Variants in SAMD8 observed in about 807,000 individuals in gnomAD.
SAMD8 encodes the protein sterile alpha motif domain containing 8, also known as sphingomyelin synthase-related protein 1.
SAMD8 carries 20 observed loss-of-function variants against 42.0 expected under a neutral mutation model. The observed-to-expected ratio is 0.48, with a 90% CI of 0.34 to 0.69. The LOEUF is 0.69. Among genes scored for constraint, SAMD8 ranks in the 30% least tolerant of loss-of-function variants. The pLI, the probability that SAMD8 is intolerant of heterozygous loss-of-function variation, is 0.01. For synonymous variants in SAMD8, 162 were observed against 173.0 expected (o/e 0.94, Z 0.50); for missense variants, 328 against 511.6 (o/e 0.64, Z 3.46).
At chr10:75,161,933 A>G (rs1840566974) in intron 2 of SAMD8, among the ~76,000 whole-genome samples, 1 of 152,152 alleles carries the variant, frequency 6.6e-6, no homozygotes, top group Non-Finnish European at 1.5e-5. Context: ...GCTACTCGGG[A>G]GGCTGAGACA....
At position 75,104,717 on chromosome 10, in the gene SAMD8, G is replaced by A. The variant is rs1230244612; in HGVS notation, c.-16+4989G>A. 3.3e-5 allele frequency among the ~76,000 whole-genome samples: 5 copies of A among 152,110 alleles called. No homozygotes were observed. In the East Asian group the frequency reaches 7.7e-4, roughly 24 times the overall value. On this transcript the variant is annotated intron_variant, in intron 1 of 3. Transcript: ENST00000447533. ...ATCTCAAGCCCAGCTATAACCCAAA[G>A]TTTCTTATCACAGTCACCCCCAAAC...
chr10:75,109,025 G>A, upstream of SAMD8: 1 of 1,609,276 alleles, frequency 6.2e-7, no homozygotes, highest in Non-Finnish European at 8.5e-7. Context: ...CCTATGAAAA[G>A]GTTGGGCCAA....
At chr10:75,114,410 T>A (rs1309498234) in intron 1 of SAMD8, among the ~76,000 whole-genome samples, 1 of 152,184 alleles carries the variant, frequency 6.6e-6, no homozygotes, top group Non-Finnish European at 1.5e-5. Flanking sequence ...CAGACATATT[T>A]AGGTAAATCA....
chr10:75,124,299 A>C (rs1849075695), intron 1 of SAMD8, among the ~76,000 whole-genome samples: 1 of 152,032 alleles, frequency 6.6e-6, no homozygotes, highest in South Asian at 2.1e-4. Context: ...GCAAGCAGAA[A>C]TCCATTTATT....
At chr10:75,122,359 C>G (rs1849024197) in intron 1 of SAMD8, among the ~76,000 whole-genome samples, 1 of 152,126 alleles carries the variant, frequency 6.6e-6, no homozygotes, top group South Asian at 2.1e-4. Flanking sequence ...CGCCTGTAAT[C>G]TCAGCACTTT....
At chr10:75,131,630 G>T (rs1009156953) in intron 1 of SAMD8, among the ~76,000 whole-genome samples, 1 of 151,982 alleles carries the variant, frequency 6.6e-6, no homozygotes, top group Admixed American at 6.6e-5. Flanking sequence ...GATAATTAAA[G>T]AAATAAGTGA....
At chr10:75,155,006 C>T (rs1840378404) in intron 2 of SAMD8, among the ~76,000 whole-genome samples, 1 of 152,070 alleles carries the variant, frequency 6.6e-6, no homozygotes, top group South Asian at 2.1e-4. Flanking sequence ...GATCTCCTTC[C>T]TTAGCCTCCC....
At chr10:75,100,414 C>T (rs1382972595) in intron 1 of SAMD8, among the ~76,000 whole-genome samples, 2 of 152,156 alleles carry the variant, frequency 1.3e-5, no homozygotes, top group Non-Finnish European at 2.9e-5. Context: ...GAGTCAGGCC[C>T]GGCCACCCCC....
In SAMD8 at chr10:75,141,807, C is replaced by T. The variant is rs543613539; in HGVS notation, c.-15-8707C>T. 1.5e-3 allele frequency among the ~76,000 whole-genome samples: 227 copies of T among 152,016 alleles called. 1 individual carries two copies. Among genetic ancestry groups the T allele is most frequent in the African/African-American group, 5.4e-3 (223 of 41,494 alleles). On this transcript the variant is annotated intron_variant, in intron 1 of 5. Coordinates refer to ENST00000542569, the MANE Select transcript of SAMD8 (RefSeq NM_001174156.2). Reference sequence around the variant, plus strand: ...CCACCTGCCTCAGCCTCCCAAAGTGCTGGGATTACAGGCGTGAGCCACCAC... The same window carrying T: ...CCACCTGCCTCAGCCTCCCAAAGTGTTGGGATTACAGGCGTGAGCCACCAC...
At chr10:75,111,826 A>T in intron 1 of SAMD8, 104 bp downstream of exon 1, 1 of 1,213,250 alleles carries the variant, frequency 8.2e-7, no homozygotes, top group Non-Finnish European at 1.0e-6. Flanking sequence ...AGGGACCGCG[A>T]CCTGGAGGGG....
At chr10:75,102,076 G>T in intron 1 of SAMD8, 1 of 685,486 alleles carries the variant, frequency 1.5e-6, no homozygotes, top group Non-Finnish European at 2.2e-6. Context: ...GCCAAGCACA[G>T]TCAGGCACCT....
intron 1 of SAMD8, among the ~76,000 whole-genome samples, chr10:75,149,063 C>G (rs1359185533): frequency 1.3e-5 from 2 of 151,562 alleles, no homozygotes; most frequent in Non-Finnish European, 2.9e-5. Flanking sequence ...TTCTTTTATG[C>G]TTTGAAGTTT....
rs552535924 is a variant in SAMD8, at chr10:75,157,756, A to C, written c.578+6650A>C. On this transcript the variant is annotated intron_variant, in intron 2 of 5. Coordinates refer to ENST00000542569, the MANE Select transcript of SAMD8 (RefSeq NM_001174156.2). The stretch of plus-strand genomic sequence containing the variant: ...ATTCAACAGCAGATACAGGTATGGA[A>C]TAGGTGGAGAACTGGATTTAAGCAG... 1.6e-4 allele frequency among the ~76,000 whole-genome samples: 24 copies of C among 152,308 alleles called. 1 individual carries two copies. In the South Asian group the frequency reaches 4.8e-3, roughly 30 times the overall value.
chr10:75,130,235 C>T (rs933373567), intron 1 of SAMD8, among the ~76,000 whole-genome samples: 3 of 152,208 alleles, frequency 2.0e-5, no homozygotes, highest in African/African-American at 7.2e-5. Context: ...GGCACGGTGA[C>T]TCACGCCTGT....
rs748531097 is a variant in SAMD8, at chr10:75,176,384, C to G, written c.944-4C>G. ...TTAAAATGATCTTTCTGTCCTTTTC[C>G]TAGATACACCAAGAAGCTGGAATTT... On this transcript the variant is annotated splice_region_variant and splice_polypyrimidine_tract_variant and intron_variant, in intron 5 of 5. Coordinates refer to ENST00000542569, the MANE Select transcript of SAMD8 (RefSeq NM_001174156.2). The surrounding 1 kb of genome is among the most constrained non-coding windows in gnomAD (Gnocchi z 4.3). The G allele has an allele frequency of 6.4e-7, 1 of 1,555,090 alleles. No individual in the cohort carries two copies. Among genetic ancestry groups the G allele is most frequent in the Non-Finnish European group, 8.7e-7 (1 of 1,150,976 alleles).
intron 1 of SAMD8, among the ~76,000 whole-genome samples, chr10:75,113,436 G>C (rs544769870): frequency 6.6e-6 from 1 of 150,642 alleles, no homozygotes. Flanking sequence ...CCAGGCTTAA[G>C]TGATCCTCCC....
intron 2 of SAMD8, among the ~76,000 whole-genome samples, chr10:75,152,905 A>G (rs1840324602): frequency 6.6e-6 from 1 of 152,042 alleles, no homozygotes; most frequent in African/African-American, 2.4e-5. Context: ...GTAAACAAGT[A>G]CTCAGAACTG....
intron 1 of SAMD8, among the ~76,000 whole-genome samples, chr10:75,135,378 G>A (rs1343021079): frequency 2.0e-5 from 3 of 151,406 alleles, no homozygotes; most frequent in African/African-American, 4.9e-5. Flanking sequence ...GCTTGAACCC[G>A]GGAGGCAGAG....
chr10:75,181,843 G>A lies in SAMD8; in HGVS notation c.*5151G>A, dbSNP rs181832493. The A allele has an allele frequency of 1.3e-4, 20 of 152,280 alleles. No individual in the cohort carries two copies. The highest frequency in any genetic ancestry group is 1.2e-3 in the Admixed American group (19 of 15,308). 9.4% of individuals were successfully genotyped at this position (152,280 alleles called of 1,614,324 possible). On this transcript the variant is annotated 3_prime_UTR_variant, in exon 6 of 6. Coordinates refer to ENST00000542569, the MANE Select transcript of SAMD8 (RefSeq NM_001174156.2). ...ATTTCTGACATGGAACAAAGAAAGT[G>A]GAAACTGGTACTTAATGGGGGAAGC...
Sources: allele counts gnomAD v4.1 joint callset (sites outside exome capture counted in the v4.1 genomes callset), GRCh38; gene constraint gnomAD v4.1.1; non-coding constraint Gnocchi (gnomAD v3.1); transcripts MANE v1.5; gene names NCBI Gene and HGNC (gene_info 2026-07-23, HGNC 2026-07-21).